SBNO2: variants seen among roughly 807,000 people sequenced by gnomAD.
SBNO2 encodes protein strawberry notch homolog 2.
A neutral mutation model predicts 146.3 loss-of-function variants in SBNO2; 89 were observed. That is an observed-to-expected ratio of 0.61 (90% CI 0.51 to 0.73). The LOEUF (loss-of-function observed/expected upper bound fraction) is 0.73, where lower values mean the gene tolerates loss of function less well. Ranked by LOEUF, SBNO2 falls within the 30% of genes least tolerant of loss-of-function variation. The probability of loss-of-function intolerance (pLI) is 0.00; values close to 1 mark genes in which losing one functional copy is unlikely to be tolerated. For missense variants in SBNO2, 2,092 were observed against 2,003.7 expected, an observed-to-expected ratio of 1.04 and a Z score of -0.84; for synonymous variants, 1,147 against 892.6, an observed-to-expected ratio of 1.29 and a Z score of -5.08.
At chr19:1,138,823 A>G (rs1231697113) in intron 4 of SBNO2, among the ~76,000 whole-genome samples, 2 of 148,730 alleles carry the variant, frequency 1.3e-5, no homozygotes, top group African/African-American at 5.0e-5. Flanking sequence ...GGACAGACAC[A>G]GTTGGTCCTC....
intron 5 of SBNO2, among the ~76,000 whole-genome samples, chr19:1,125,907 T>A (rs760045134): frequency 3.9e-5 from 6 of 151,908 alleles, no homozygotes; most frequent in Non-Finnish European, 5.9e-5. Context: ...GGCAGGAGGA[T>A]CGCTTTAACC....
chr19:1,144,903 CGG>C lies in SBNO2; in HGVS notation c.279+2404_279+2405del, dbSNP rs2080174087. 9.5e-6 allele frequency among the ~76,000 whole-genome samples: 1 copy of C among 104,966 alleles called. No homozygotes were observed. Among genetic ancestry groups the C allele is most frequent in the African/African-American group, 5.7e-5 (1 of 17,686 alleles). The allele number at this position is 104,966 out of a possible 152,430, so 68.9% of individuals were successfully genotyped here. ...AGAGAGGGAGACAGAGAGACAGAGG[CGG>C]AGATGGAGACAGAGACAGAGAGACA... On this transcript the variant is annotated intron_variant, in intron 4 of 31. Transcript: ENST00000361757. This position sits in a 1 kb window ranked among gnomAD's most constrained non-coding sequence, Gnocchi z 4.1.
chr19:1,132,180 C>T (rs1034652231), intron 4 of SBNO2: 18 of 1,415,796 alleles, frequency 1.3e-5, no homozygotes, highest in Middle Eastern at 3.7e-4. Flanking sequence ...AAGCGCTGCC[C>T]GGGAGCGGCT....
In SBNO2 at chr19:1,113,563, T is replaced by C. The variant is rs2079794206; in HGVS notation, c.2219A>G (p.Gln740Arg). ...CGCCACCCGCTGGGGGCCGCCCAGC[T>C]GGTCGATGAGCTCGTCCAGGGTGTT... ...PVNTLDELIDQLGGPQRVAEM... is the reference protein window; with the variant it reads ...PVNTLDELIDRLGGPQRVAEM... Residue 740 changes from glutamine to arginine, a missense_variant, in exon 19 of 32, where the codon CAG becomes CGG. Transcript: ENST00000361757. 1 of 1,601,864 alleles carries C rather than the reference T, an allele frequency of 6.2e-7. No individual in the cohort carries two copies. Among genetic ancestry groups the C allele is most frequent in the Non-Finnish European group, 8.5e-7 (1 of 1,175,390 alleles).
At chr19:1,133,607 C>T (rs888698877) in intron 4 of SBNO2, among the ~76,000 whole-genome samples, 1 of 152,196 alleles carries the variant, frequency 6.6e-6, no homozygotes, top group African/African-American at 2.4e-5. Context: ...AACACGGGTC[C>T]GTGCCGCTGG....
Position 1,126,947 on chromosome 19 carries a change from C to T in SBNO2, c.441+657G>A, listed in dbSNP as rs2145238553. Reference sequence around the variant, plus strand: ...TGGGGGCCCTGCTGCCCTACAACCCCTGCTCTAGGCCTGGCCCACCCAGGT... The same window carrying T: ...TGGGGGCCCTGCTGCCCTACAACCCTTGCTCTAGGCCTGGCCCACCCAGGT... On this transcript the variant is annotated intron_variant, in intron 5 of 31. Coordinates refer to ENST00000361757, the MANE Select transcript of SBNO2 (RefSeq NM_014963.3). This position sits in a 1 kb window ranked among gnomAD's most constrained non-coding sequence, Gnocchi z 4.4. Among the ~76,000 whole-genome samples the T allele has an allele frequency of 6.6e-6, 1 of 152,334 alleles. No individual in the cohort carries two copies. The highest frequency in any genetic ancestry group is 2.1e-4 in the South Asian group (1 of 4,828).
chr19:1,108,969 C>A lies in SBNO2; in HGVS notation c.3426G>T (p.Trp1142Cys). Residue 1142 changes from tryptophan (W) to cysteine (C), a missense_variant and splice_region_variant, in exon 31 of 32, where the codon TGG becomes TGT. Coordinates refer to ENST00000361757, the MANE Select transcript of SBNO2 (RefSeq NM_014963.3). The part of the protein sequence containing the change: ...LSLTHCSHSA[W>C]NRHCRLAQEG... ...CCTGCGCCAGCCGGCAGTGCCGGTT[C>A]CTGCGGACGAGACGGGTCGTCTCGG... 6.5e-7 allele frequency: 1 copy of A among 1,527,020 alleles called. No homozygotes were observed. The highest frequency in any genetic ancestry group is 8.8e-7 in the Non-Finnish European group (1 of 1,142,302). The allele number at this position is 1,527,020 out of a possible 1,614,324, so 94.6% of individuals were successfully genotyped here.
In SBNO2 at chr19:1,108,554, A is replaced by C; in HGVS notation, c.3767T>G (p.Val1256Gly). ...PLALPCGPGE[V>G]LDLTYSPPAE... ...CGGGGGGCTGTAGGTGAGGTCCAGC[A>C]CCTCTCCGGGGCCGCAAGGCAGCGC... The change falls in exon 32 of 32, where the codon GTG becomes GGG. Residue 1256 changes from valine (V) to glycine (G), a missense_variant. Physicochemically the swap from Val to Gly is moderately radical, Grantham distance 109. Transcript: ENST00000361757. 8.2e-7 allele frequency: 1 copy of C among 1,216,446 alleles called. No homozygotes were observed. Among genetic ancestry groups the C allele is most frequent in the Non-Finnish European group, 1.0e-6 (1 of 980,060 alleles). 75.4% of individuals were successfully genotyped at this position (1,216,446 alleles called of 1,614,324 possible).
chr19:1,149,572 T>C (rs2145304148), intron 2 of SBNO2, 130 bp from the exon 3 acceptor site: 1 of 769,934 alleles, frequency 1.3e-6, no homozygotes, highest in East Asian at 2.7e-5. Flanking sequence ...ATCCCGCCCC[T>C]GCTGGTATCT....
intron 18 of SBNO2, 92 bp from the exon 19 acceptor site, chr19:1,113,796 GGGGCCCGGGGCAACCCTGA>G (rs2079797672): frequency 7.3e-7 from 1 of 1,370,914 alleles, no homozygotes. Context: ...GCAAGGACAA[GGGGCCCGGGGCAACCCTGA>G]GGGACGGCAG....
At chr19:1,130,299 A>G (rs1255674079) in intron 4 of SBNO2, among the ~76,000 whole-genome samples, 1 of 152,150 alleles carries the variant, frequency 6.6e-6, no homozygotes, top group Non-Finnish European at 1.5e-5. Context: ...GACTCTCTGC[A>G]CTGTCCCTGC....
At chr19:1,111,683 C>T in intron 23 of SBNO2, 69 bp from the exon 24 acceptor site, 1 of 1,188,688 alleles carries the variant, frequency 8.4e-7, no homozygotes, top group Non-Finnish European at 1.2e-6. Flanking sequence ...CCCCTGCCTC[C>T]CCAGAACCCC....
chr19:1,122,679 C>A lies in SBNO2; in HGVS notation c.893G>T (p.Arg298Leu). 1 of 1,535,936 alleles carries A rather than the reference C, an allele frequency of 6.5e-7. No individual in the cohort carries two copies. Among genetic ancestry groups the A allele is most frequent in the Non-Finnish European group, 8.7e-7 (1 of 1,146,260 alleles). Residue 298 changes from arginine (R) to leucine (L), a missense_variant, in exon 9 of 32, where the codon CGC becomes CTC. Coordinates refer to ENST00000361757, the MANE Select transcript of SBNO2 (RefSeq NM_014963.3). ...VAGVILENHLRGRKKALWFSV... is the reference protein window; with the variant it reads ...VAGVILENHLLGRKKALWFSV... ...TCACCACAATGCTTTCTTCCGGCCG[C>A]GCAGGTGGTTCTCCAGGATGACTCC...
intron 1 of SBNO2, among the ~76,000 whole-genome samples, chr19:1,160,790 A>G (rs1210983011): frequency 6.6e-6 from 1 of 152,098 alleles, no homozygotes; most frequent in Non-Finnish European, 1.5e-5. Context: ...TCGGCCTCCC[A>G]AAGTGCTGGA....
Position 1,111,619 on chromosome 19 carries a change from G to C in SBNO2, c.2701-5C>G. 3 of 1,574,328 alleles carry C rather than the reference G, an allele frequency of 1.9e-6. No homozygotes were observed. Among genetic ancestry groups the C allele is most frequent in the South Asian group, 2.3e-5 (2 of 85,802 alleles). On this transcript the variant is annotated splice_region_variant and splice_polypyrimidine_tract_variant and intron_variant, in intron 23 of 31. Coordinates refer to ENST00000361757, the MANE Select transcript of SBNO2 (RefSeq NM_014963.3). ...GTGCAGGGCCCGGGTGCCATACTAG[G>C]GGGAGAAGGTGACTCGGGGAGGAGG...
intron 5 of SBNO2, among the ~76,000 whole-genome samples, chr19:1,125,379 A>G (rs931419987): frequency 1.4e-5 from 2 of 147,388 alleles, no homozygotes; most frequent in Non-Finnish European, 3.0e-5. Context: ...AAAAAAAAAA[A>G]GTGAGCGTGG....
At chr19:1,118,848 G>A (rs1418527441) in intron 14 of SBNO2, among the ~76,000 whole-genome samples, 163 bp downstream of exon 14, 1 of 152,054 alleles carries the variant, frequency 6.6e-6, no homozygotes, top group African/African-American at 2.4e-5. Flanking sequence ...CTCCAGCCTA[G>A]ATGACAGCAC....
At position 1,154,154 on chromosome 19, in the gene SBNO2, G is replaced by A. The variant is rs185254119; in HGVS notation, c.93+30C>T. ...GGGGCAAGTGCCCGTGGACCCCGTC[G>A]GGTGGGCCGGGGCCGGGGGTGGGGC... is the stretch of plus-strand genomic sequence containing the variant. On this transcript the variant is annotated intron_variant, in intron 2 of 31. Transcript: ENST00000361757. The A allele has an allele frequency of 1.1e-5, 12 of 1,114,406 alleles. No homozygotes were observed. The Admixed American group carries it at 2.5e-4, about 24-fold the overall frequency. 69.0% of individuals were successfully genotyped at this position (1,114,406 alleles called of 1,614,324 possible). A position where few individuals can be genotyped will look rare whatever the true frequency, so the allele number is the denominator to read the frequency against.
rs758473643 is a variant in SBNO2, at chr19:1,109,642, G to C, written c.3123+41C>G. The C allele has an allele frequency of 1.3e-6, 2 of 1,588,664 alleles. No individual in the cohort carries two copies. Among genetic ancestry groups the C allele is most frequent in the Admixed American group, 3.4e-5 (2 of 58,400 alleles). ...GGGGGGTGTGAGTGTGGTGGGGGCG[G>C]GGTGGGCAGAGTGTGAGGGGCTGTG... On this transcript the variant is annotated intron_variant, in intron 27 of 31. Coordinates refer to ENST00000361757, the MANE Select transcript of SBNO2 (RefSeq NM_014963.3). This position sits in a 1 kb window ranked among gnomAD's most constrained non-coding sequence, Gnocchi z 4.2.
Sources: allele counts gnomAD v4.1 joint callset (sites outside exome capture counted in the v4.1 genomes callset), GRCh38; gene constraint gnomAD v4.1.1; non-coding constraint Gnocchi (gnomAD v3.1); transcripts MANE v1.5; gene names NCBI Gene and HGNC (gene_info 2026-07-23, HGNC 2026-07-21).